MEF2C: variants seen among roughly 807,000 people sequenced by gnomAD.
The protein encoded by MEF2C is myocyte-specific enhancer factor 2C.
In MEF2C, 6 loss-of-function variants were observed where a neutral mutation model predicts 50.5. The observed-to-expected ratio is 0.12, with a 90% CI of 0.07 to 0.23. The LOEUF (loss-of-function observed/expected upper bound fraction) is 0.23. Ranked by LOEUF, MEF2C falls within the 10% of genes least tolerant of loss-of-function variation. The pLI is 1.00. For missense variants in MEF2C, 276 were observed against 605.0 expected (o/e 0.46, Z 5.70); for synonymous variants, 183 against 228.0 (o/e 0.80, Z 1.78).
chr5:88,771,644 A>G, intron 3 of MEF2C: 1 of 978,280 alleles, frequency 1.0e-6, no homozygotes. Flanking sequence ...ATTCTCAGTT[A>G]TGGTTCACTG....
At chr5:88,762,547 C>T (rs1356731548) in intron 3 of MEF2C, among the ~76,000 whole-genome samples, 1 of 151,928 alleles carries the variant, frequency 6.6e-6, no homozygotes, top group Non-Finnish European at 1.5e-5. Context: ...GGATTACAGG[C>T]TGAGCCACCA....
chr5:88,844,667 T>C, intron 1 of MEF2C: 1 of 672,686 alleles, frequency 1.5e-6, no homozygotes, highest in Non-Finnish European at 1.8e-6. Flanking sequence ...TTATATTTCT[T>C]AATGCACTTC....
intron 6 of MEF2C, 56 bp from the exon 7 acceptor site, chr5:88,731,957 C>T (rs531990479): frequency 1.8e-5 from 27 of 1,475,188 alleles, no homozygotes; most frequent in African/African-American, 5.6e-5. Flanking sequence ...AATACGTTTC[C>T]GAAGAATACA....
At position 88,719,160 on chromosome 5, in the gene MEF2C, A is replaced by G. The variant is rs1280220652; in HGVS notation, c.*3444T>C. ...GGGTATGTAAGAAAAACAAATCCAT[A>G]AAAGTGTGTGAGGGCAGACATTCTT... On this transcript the variant is annotated 3_prime_UTR_variant, in exon 11 of 11. Transcript: ENST00000504921. The G allele has an allele frequency of 6.6e-6, 1 of 152,248 alleles. No homozygotes were observed. The highest frequency in any genetic ancestry group is 2.1e-4 in the South Asian group (1 of 4,836). The allele number at this position is 152,248 out of a possible 1,614,324, so 9.4% of individuals were successfully genotyped here.
intron 1 of MEF2C, chr5:88,889,399 C>G (rs980472714): frequency 6.5e-6 from 1 of 153,850 alleles, no homozygotes; most frequent in Non-Finnish European, 1.4e-5. Context: ...TCCCCCCCCC[C>G]TTTTCTCCCG....
chr5:88,849,593 G>A (rs901405602), intron 1 of MEF2C, among the ~76,000 whole-genome samples: 2 of 152,136 alleles, frequency 1.3e-5, no homozygotes, highest in African/African-American at 4.8e-5. Context: ...CATTATTAAA[G>A]TTTTGTTTTC....
intron 3 of MEF2C, among the ~76,000 whole-genome samples, chr5:88,778,177 G>C (rs1785861684): frequency 6.6e-6 from 1 of 151,964 alleles, no homozygotes; most frequent in African/African-American, 2.4e-5. Flanking sequence ...CAAAGTGCTG[G>C]GATTACAAGC....
intron 3 of MEF2C, chr5:88,761,777 TGG>T: frequency 1.8e-5 from 3 of 166,058 alleles, no homozygotes; most frequent in Non-Finnish European, 2.6e-5. Flanking sequence ...TTTAAACTAA[TGG>T]TTGGCATTAG....
chr5:88,786,695 ATG>A (rs1791073438), intron 3 of MEF2C, among the ~76,000 whole-genome samples: 1 of 152,198 alleles, frequency 6.6e-6, no homozygotes, highest in African/African-American at 2.4e-5. Context: ...TACTACATAT[ATG>A]TGTGTATATA....
intron 6 of MEF2C, among the ~76,000 whole-genome samples, chr5:88,747,038 C>T (rs2152474672): frequency 6.6e-6 from 1 of 152,178 alleles, no homozygotes; most frequent in South Asian, 2.1e-4. Flanking sequence ...GGTAGAGGTC[C>T]TGAGGTAAGA....
At chr5:88,902,006 A>G (rs1835711360) in intron 1 of MEF2C, among the ~76,000 whole-genome samples, 1 of 151,788 alleles carries the variant, frequency 6.6e-6, no homozygotes, top group East Asian at 1.9e-4. Flanking sequence ...CAATGTAATA[A>G]TTATAGCCAA....
intron 1 of MEF2C, among the ~76,000 whole-genome samples, chr5:88,871,166 G>A (rs1313146157): frequency 6.6e-6 from 1 of 151,934 alleles, no homozygotes; most frequent in African/African-American, 2.4e-5. Flanking sequence ...AGATGAAGTT[G>A]TTTAATAGAT....
At chr5:88,812,718 C>T (rs1001183942) in intron 2 of MEF2C, among the ~76,000 whole-genome samples, 2 of 152,008 alleles carry the variant, frequency 1.3e-5, no homozygotes, top group African/African-American at 2.4e-5. Flanking sequence ...AGATGAATAC[C>T]GTAAACAAAG....
chr5:88,732,617 A>C (rs2152292894), intron 6 of MEF2C: 1 of 152,336 alleles, frequency 6.6e-6, no homozygotes, highest in South Asian at 2.1e-4. Flanking sequence ...GAACTGGAAG[A>C]CTGAAAGGGT....
chr5:88,900,473 T>C (rs1246860093), intron 1 of MEF2C, among the ~76,000 whole-genome samples: 3 of 151,876 alleles, frequency 2.0e-5, no homozygotes, highest in Non-Finnish European at 4.4e-5. Flanking sequence ...ATATATGTAT[T>C]ACCTTTGATA....
At chr5:88,752,179 A>C in intron 4 of MEF2C, 136 bp from the exon 5 acceptor site, 1 of 698,264 alleles carries the variant, frequency 1.4e-6, no homozygotes, top group Non-Finnish European at 2.2e-6. Context: ...CATTAAGAAG[A>C]GCTCTCAAGA....
At chr5:88,776,631 G>T (rs769414211) in intron 3 of MEF2C, among the ~76,000 whole-genome samples, 5 of 152,126 alleles carry the variant, frequency 3.3e-5, no homozygotes, top group Admixed American at 6.6e-5. Flanking sequence ...ATACTGGAAG[G>T]GGGAGAGGAA....
chr5:88,722,571 G>GAAA lies in MEF2C; in HGVS notation c.*30_*32dup, dbSNP rs56660854. On this transcript the variant is annotated 3_prime_UTR_variant, in exon 11 of 11. Coordinates refer to ENST00000504921, the MANE Select transcript of MEF2C (RefSeq NM_002397.5). ...GGTATAGCACACACACACACTGCAA[G>GAAA]AAAAAAAAAAAAACTAGTAAGTAAT... 26 of 1,321,636 alleles carry GAAA rather than the reference G, an allele frequency of 2.0e-5. No individual in the cohort carries two copies. The highest frequency in any genetic ancestry group is 9.2e-5 in the South Asian group (7 of 75,736). 81.9% of individuals were successfully genotyped at this position (1,321,636 alleles called of 1,614,324 possible). A position where few individuals can be genotyped will look rare whatever the true frequency, so the allele number is the denominator to read the frequency against.
chr5:88,880,341 C>T (rs900214427), intron 1 of MEF2C, among the ~76,000 whole-genome samples: 1 of 152,068 alleles, frequency 6.6e-6, no homozygotes, highest in African/African-American at 2.4e-5. Context: ...TATGTTGCTT[C>T]GAATCATGTC....
Sources: allele counts gnomAD v4.1 joint callset (sites outside exome capture counted in the v4.1 genomes callset), GRCh38; gene constraint gnomAD v4.1.1; transcripts MANE v1.5; gene names NCBI Gene and HGNC (gene_info 2026-07-23, HGNC 2026-07-21).